CTNNA3: variants seen among roughly 807,000 people sequenced by gnomAD.
The protein encoded by CTNNA3 is catenin alpha 3.
Under a neutral mutation model 95.7 loss-of-function variants are expected in CTNNA3, and 76 were observed. That is an observed-to-expected ratio of 0.79 (90% CI 0.66 to 0.96). The LOEUF is 0.96. Ranked by LOEUF, CTNNA3 falls within the 40% of genes least tolerant of loss-of-function variation. The pLI is 0.00. For synonymous variants in CTNNA3, 431 were observed against 374.4 expected (o/e 1.15, Z -1.74); for missense variants, 1,191 against 1,089.8 (o/e 1.09, Z -1.31).
At chr10:66,031,835 T>G (rs2079454331) in intron 15 of CTNNA3, among the ~76,000 whole-genome samples, 2 of 152,202 alleles carry the variant, frequency 1.3e-5, no homozygotes. Context: ...GCAAGACAGC[T>G]ACCAGGTCCT....
chr10:67,078,042 T>C (rs1162987015), intron 7 of CTNNA3, among the ~76,000 whole-genome samples: 2 of 152,200 alleles, frequency 1.3e-5, no homozygotes, highest in East Asian at 1.9e-4. Context: ...ACATCCTAAC[T>C]AGACCACAGA....
intron 9 of CTNNA3, among the ~76,000 whole-genome samples, chr10:66,644,153 C>T (rs1007681540): frequency 5.9e-5 from 9 of 151,438 alleles, no homozygotes; most frequent in Non-Finnish European, 1.0e-4. Context: ...AGCTACTTGG[C>T]GGGGTTAAGG....
At chr10:66,841,991 G>A (rs1455802285) in intron 7 of CTNNA3, among the ~76,000 whole-genome samples, 1 of 152,132 alleles carries the variant, frequency 6.6e-6, no homozygotes, top group African/African-American at 2.4e-5. Context: ...TAAGGCTGGA[G>A]TGCAGAGGCT....
chr10:67,099,469 A>T (rs1858208606), intron 7 of CTNNA3: 1 of 151,988 alleles, frequency 6.6e-6, no homozygotes, highest in Admixed American at 6.6e-5. Context: ...TGAAGAAAAG[A>T]ATAACTGAAA....
intron 13 of CTNNA3, among the ~76,000 whole-genome samples, chr10:66,143,571 T>C (rs1589538631): frequency 6.6e-6 from 1 of 152,312 alleles, no homozygotes; most frequent in African/African-American, 2.4e-5. Context: ...ACAAATCAAA[T>C]TTAATTTAAA....
At chr10:67,138,178 T>G (rs1860387693) in intron 7 of CTNNA3, among the ~76,000 whole-genome samples, 1 of 152,054 alleles carries the variant, frequency 6.6e-6, no homozygotes, top group Non-Finnish European at 1.5e-5. Flanking sequence ...AAATCTGGAA[T>G]GGAAGTAAAA....
intron 11 of CTNNA3, among the ~76,000 whole-genome samples, chr10:66,469,589 G>C (rs143000823): frequency 6.6e-6 from 1 of 151,960 alleles, no homozygotes; most frequent in African/African-American, 2.4e-5. Context: ...GCATAAAGAG[G>C]TGAGACTGAA....
chr10:66,873,036 T>A (rs1844475778), intron 7 of CTNNA3, among the ~76,000 whole-genome samples: 1 of 152,226 alleles, frequency 6.6e-6, no homozygotes, highest in Non-Finnish European at 1.5e-5. Flanking sequence ...TCATTGTTTC[T>A]TATAGCTACA....
chr10:66,682,963 A>G (rs952676244), intron 9 of CTNNA3, among the ~76,000 whole-genome samples: 2 of 152,168 alleles, frequency 1.3e-5, no homozygotes, highest in African/African-American at 2.4e-5. Flanking sequence ...CAGGTTGTGG[A>G]GCAAATGCAA....
chr10:66,403,047 T>C (rs2093032256), intron 11 of CTNNA3, among the ~76,000 whole-genome samples: 1 of 152,166 alleles, frequency 6.6e-6, no homozygotes, highest in African/African-American at 2.4e-5. Flanking sequence ...TCGTTGAATC[T>C]ACCTATGACC....
At chr10:67,661,672 A>T (rs989999444) in intron 1 of CTNNA3, among the ~76,000 whole-genome samples, 10 of 152,224 alleles carry the variant, frequency 6.6e-5, no homozygotes, top group Admixed American at 1.3e-4. Flanking sequence ...AAGAACCCTT[A>T]GAACTCAATA....
chr10:66,444,686 G>T (rs1237082157), intron 11 of CTNNA3, among the ~76,000 whole-genome samples: 2 of 152,134 alleles, frequency 1.3e-5, no homozygotes, highest in African/African-American at 4.8e-5. Flanking sequence ...ACTAAACATG[G>T]AAAGCAACAA....
intron 12 of CTNNA3, among the ~76,000 whole-genome samples, chr10:66,292,024 A>G (rs2091690588): frequency 6.6e-6 from 1 of 151,752 alleles, no homozygotes; most frequent in South Asian, 2.1e-4. Flanking sequence ...ATATACACAT[A>G]CACACATGTA....
chr10:65,953,999 C>A (rs1416992822), intron 17 of CTNNA3, among the ~76,000 whole-genome samples: 2 of 152,214 alleles, frequency 1.3e-5, no homozygotes, highest in African/African-American at 4.8e-5. Flanking sequence ...TACAGTCCCA[C>A]CACCAGTGTA....
intron 5 of CTNNA3, among the ~76,000 whole-genome samples, chr10:67,318,413 G>C (rs190373949): frequency 2.6e-5 from 4 of 152,250 alleles, no homozygotes; most frequent in Admixed American, 1.3e-4. Flanking sequence ...AGTTACCCTA[G>C]ATCTGCAGTT....
chr10:66,732,528 G>A (rs963403749), intron 9 of CTNNA3, among the ~76,000 whole-genome samples: 1 of 152,094 alleles, frequency 6.6e-6, no homozygotes, highest in Non-Finnish European at 1.5e-5. Flanking sequence ...CAATGATGGT[G>A]GAAGGAGAAG....
intron 12 of CTNNA3, among the ~76,000 whole-genome samples, chr10:66,313,206 G>T (rs2092048400): frequency 6.6e-6 from 1 of 152,054 alleles, no homozygotes; most frequent in African/African-American, 2.4e-5. Context: ...CCTATGATGT[G>T]GGTATTATTA....
intron 12 of CTNNA3, among the ~76,000 whole-genome samples, chr10:66,298,102 A>G (rs2091808137): frequency 1.3e-5 from 2 of 152,164 alleles, no homozygotes; most frequent in Non-Finnish European, 2.9e-5. Context: ...CCACAGCAGA[A>G]ATCATGAAAG....
chr10:67,412,846 G>C (rs966424007), intron 5 of CTNNA3, among the ~76,000 whole-genome samples: 1 of 151,992 alleles, frequency 6.6e-6, no homozygotes, highest in Non-Finnish European at 1.5e-5. Context: ...CTTACAAGAG[G>C]TCCTTAAGGG....
Sources: gnomAD v4.1 joint callset for allele counts (sites outside exome capture counted in the v4.1 genomes callset) on GRCh38, gnomAD v4.1.1 for gene constraint, MANE v1.5 for transcripts, NCBI Gene and HGNC (gene_info 2026-07-23, HGNC 2026-07-21) for gene names.